NADSYN1: variants seen among roughly 807,000 people sequenced by gnomAD.
The protein encoded by NADSYN1 is glutamine-dependent NAD(+) synthetase.
A neutral mutation model predicts 99.3 loss-of-function variants in NADSYN1; 80 were observed. The ratio of observed to expected loss-of-function variants is 0.81; its 90% confidence interval spans 0.67 to 0.97. The LOEUF (loss-of-function observed/expected upper bound fraction) is 0.97, where lower values mean the gene tolerates loss of function less well. NADSYN1 is among the 50% of genes least tolerant of loss of function. The pLI, the probability that NADSYN1 is intolerant of heterozygous loss-of-function variation, is 0.00. For missense variants in NADSYN1, 859 were observed against 948.5 expected, an observed-to-expected ratio of 0.91 and a Z score of 1.24; for synonymous variants, 385 against 372.1, an observed-to-expected ratio of 1.03 and a Z score of -0.40.
chr11:71,499,396 GT>G (rs1442883411), intron 20 of NADSYN1: 1 of 152,186 alleles, frequency 6.6e-6, no homozygotes, highest in African/African-American at 2.4e-5. Context: ...TAATTGCTGA[GT>G]GTGTTTAGAG....
intron 14 of NADSYN1, 148 bp downstream of exon 14, chr11:71,483,165 C>G: frequency 1.1e-6 from 1 of 906,980 alleles, no homozygotes; most frequent in Non-Finnish European, 1.7e-6. Context: ...AGTGCTCCAT[C>G]CCTTTTTGTG....
chr11:71,473,151 G>A (rs953744063), intron 6 of NADSYN1, 127 bp from the exon 7 acceptor site: 39 of 894,214 alleles, frequency 4.4e-5, no homozygotes, highest in Non-Finnish European at 5.9e-5. Context: ...CCACCTCTTC[G>A]GAATGTGCGA....
intron 9 of NADSYN1, chr11:71,476,756 T>G (rs1949669293): frequency 1.0e-6 from 1 of 985,650 alleles, no homozygotes; most frequent in Non-Finnish European, 1.2e-6. Flanking sequence ...GTGGTCGTGT[T>G]GATTGGCAGG....
Position 71,453,228 on chromosome 11 carries a change from C to G in NADSYN1, c.-69C>G. On this transcript the variant is annotated 5_prime_UTR_variant, in exon 1 of 21. Coordinates refer to ENST00000319023, the MANE Select transcript of NADSYN1 (RefSeq NM_018161.5). ...AACCCGGAAGGTCCGGCGTCCCAGC[C>G]GCCTACCTCGCTGGGACCCTGGTCT... The G allele has an allele frequency of 2.8e-6, 4 of 1,412,750 alleles. No homozygotes were observed. Among genetic ancestry groups the G allele is most frequent in the Non-Finnish European group, 3.0e-6 (3 of 1,015,390 alleles). The allele number at this position is 1,412,750 out of a possible 1,614,324, so 87.5% of individuals were successfully genotyped here. A position where few individuals can be genotyped will look rare whatever the true frequency, so the allele number is the denominator to read the frequency against.
chr11:71,473,707 C>T (rs142852170), intron 8 of NADSYN1, 21 bp downstream of exon 8: 97 of 1,548,966 alleles, frequency 6.3e-5, no homozygotes, highest in African/African-American at 3.3e-4. Flanking sequence ...GGCCAGGGAG[C>T]GTGCGCCACA....
At chr11:71,471,499 G>A (rs903471059) in intron 5 of NADSYN1, among the ~76,000 whole-genome samples, 22 of 152,228 alleles carry the variant, frequency 1.4e-4, no homozygotes, top group Non-Finnish European at 3.2e-4. Context: ...GAGCAAGGCC[G>A]GGTACATGCC....
chr11:71,490,232 C>T (rs1054286556), intron 16 of NADSYN1, among the ~76,000 whole-genome samples: 1 of 152,232 alleles, frequency 6.6e-6, no homozygotes, highest in African/African-American at 2.4e-5. Context: ...GCGTCTCTGC[C>T]TTTCCCCTGC....
intron 13 of NADSYN1, 141 bp downstream of exon 13, chr11:71,482,166 TCA>T (rs1949712725): frequency 1.4e-6 from 1 of 697,206 alleles, no homozygotes; most frequent in Admixed American, 2.6e-5. Flanking sequence ...CGCACAAATG[TCA>T]CAGCATCACA....
At chr11:71,457,531 A>G (rs1490212969) in intron 2 of NADSYN1, among the ~76,000 whole-genome samples, 2 of 152,270 alleles carry the variant, frequency 1.3e-5, no homozygotes, top group African/African-American at 4.8e-5. Flanking sequence ...ACCACAGATT[A>G]TTGAATTAAT....
rs769492726 is a variant in NADSYN1 at position 71,490,842 on chromosome 11, C to T, written c.1563-3C>T. The T allele has an allele frequency of 5.0e-6, 8 of 1,614,076 alleles. No individual in the cohort carries two copies. Among genetic ancestry groups the T allele is most frequent in the Non-Finnish European group, 6.8e-6 (8 of 1,179,952 alleles). ...CCCGCGCTCTTTCTCCCTCTCCCTG[C>T]AGTCTCCTGGGCTACCTGACCAAGT... On this transcript the variant is annotated splice_polypyrimidine_tract_variant and splice_region_variant and intron_variant, in intron 16 of 20. Transcript: ENST00000319023.
At chr11:71,454,496 G>A (rs1436065130) in intron 1 of NADSYN1, among the ~76,000 whole-genome samples, 1 of 152,262 alleles carries the variant, frequency 6.6e-6, no homozygotes. Context: ...CCAGGCATGA[G>A]CCACCGCAGC....
intron 1 of NADSYN1, among the ~76,000 whole-genome samples, chr11:71,453,606 C>T (rs967845686): frequency 6.6e-6 from 1 of 152,158 alleles, no homozygotes; most frequent in African/African-American, 2.4e-5. Flanking sequence ...ATACAAGGCA[C>T]GGTTAAGAAA....
At chr11:71,491,798 G>A in intron 17 of NADSYN1, 36 bp from the exon 18 acceptor site, 1 of 1,606,658 alleles carries the variant, frequency 6.2e-7, no homozygotes, top group Non-Finnish European at 8.5e-7. Context: ...CACCCTCGCA[G>A]CTGCACTGAC....
chr11:71,483,385 G>A (rs1192164130), intron 14 of NADSYN1, among the ~76,000 whole-genome samples: 3 of 152,072 alleles, frequency 2.0e-5, no homozygotes, highest in Non-Finnish European at 2.9e-5. Context: ...CTCACTCCTG[G>A]CATTCCCAGT....
intron 20 of NADSYN1, 48 bp from the exon 21 acceptor site, chr11:71,501,254 C>A: frequency 1.4e-6 from 2 of 1,479,596 alleles, no homozygotes; most frequent in East Asian, 2.5e-5. Context: ...TCAACAGCCC[C>A]ACAGTCCGTC....
rs2282620 is a variant in NADSYN1 at position 71,472,431 on chromosome 11, C to T, written c.408-18C>T. On this transcript the variant is annotated intron_variant, in intron 5 of 20. Coordinates refer to ENST00000319023, the MANE Select transcript of NADSYN1 (RefSeq NM_018161.5). ...CCTGAGATGCTCATCCTCAGCTCCT[C>T]GGTGTTTTCCTCTCCAGGCACACAG... 1,081,895 of 1,591,738 alleles carry T rather than the reference C, an allele frequency of 0.68. 392,726 individuals are homozygous for T. The highest frequency in any genetic ancestry group is 0.77 in the Non-Finnish European group (891,511 of 1,159,584).
At chr11:71,463,697 T>A (rs1350625486) in intron 4 of NADSYN1, among the ~76,000 whole-genome samples, 1 of 151,814 alleles carries the variant, frequency 6.6e-6, no homozygotes, top group Admixed American at 6.6e-5. Context: ...ACAGGCATCA[T>A]CAGGTATCAG....
chr11:71,484,635 C>G (rs1949730202), intron 15 of NADSYN1, 188 bp downstream of exon 15: 2 of 788,482 alleles, frequency 2.5e-6, no homozygotes, highest in Non-Finnish European at 3.9e-6. Context: ...GGTCATGCAG[C>G]CTTGTTAACA....
rs1045439572 is a variant in NADSYN1 at position 71,485,423 on chromosome 11, C to T, written c.1456-119C>T. 18 of 759,560 alleles carry T rather than the reference C, an allele frequency of 2.4e-5. 1 individual carries two copies. Among genetic ancestry groups the T allele is most frequent in the Admixed American group, 2.1e-4 (7 of 32,714 alleles). The allele number at this position is 759,560 out of a possible 1,614,324, so 47.1% of individuals were successfully genotyped here. The stretch of plus-strand genomic sequence containing the variant: ...GGGACTCTGAGACTCTGATGTTCCC[C>T]GAACGCTAGAGAGCTCCTAAGCTAT... On this transcript the variant is annotated intron_variant, in intron 15 of 20. Coordinates refer to ENST00000319023, the MANE Select transcript of NADSYN1 (RefSeq NM_018161.5).
Sources: gnomAD v4.1 joint callset for allele counts (sites outside exome capture counted in the v4.1 genomes callset) on GRCh38, gnomAD v4.1.1 for gene constraint, MANE v1.5 for transcripts, NCBI Gene and HGNC (gene_info 2026-07-23, HGNC 2026-07-21) for gene names.